Variants in WSB2 observed in about 807,000 individuals in gnomAD.
WSB2 encodes WD repeat and SOCS box containing 2.
In WSB2, 12 loss-of-function variants were observed where a neutral mutation model predicts 48.8. The observed-to-expected ratio is 0.25, with a 90% CI of 0.16 to 0.40. The LOEUF (loss-of-function observed/expected upper bound fraction) is 0.40. Ranked by LOEUF, WSB2 falls within the 10% of genes least tolerant of loss-of-function variation. The probability of loss-of-function intolerance (pLI) is 1.00; values close to 1 mark genes in which losing one functional copy is unlikely to be tolerated. For synonymous variants in WSB2, 191 were observed against 203.1 expected, an observed-to-expected ratio of 0.94 and a Z score of 0.51; for missense variants, 317 against 506.2, an observed-to-expected ratio of 0.63 and a Z score of 3.59.
At chr12:118,038,217 T>A in intron 5 of WSB2, 71 bp downstream of exon 5, 1 of 1,445,246 alleles carries the variant, frequency 6.9e-7, no homozygotes. Context: ...TTGAGAACAC[T>A]CACACACACC....
chr12:118,052,641 A>G (rs1334055417), intron 1 of WSB2, 163 bp from the exon 2 acceptor site: 3 of 1,019,956 alleles, frequency 2.9e-6, no homozygotes, highest in Non-Finnish European at 4.2e-6. Context: ...CACAGGCCAC[A>G]TTCCACCACG....
At chr12:118,037,802 C>T (rs2031547996) in intron 5 of WSB2, 1 of 153,190 alleles carries the variant, frequency 6.5e-6, no homozygotes, top group Admixed American at 6.5e-5. Flanking sequence ...CAACGCAACA[C>T]AAAATTCAAA....
rs1026097539 is a variant in WSB2 at position 118,061,081 on chromosome 12, G to T, written c.-33C>A. ...GCGAGCGGCCCCCGCGGCAGGCGGC[G>T]GGCGCCTCAGCCCCCCGGGCCGCGG... On this transcript the variant is annotated 5_prime_UTR_variant, in exon 1 of 9. Coordinates refer to ENST00000315436, the MANE Select transcript of WSB2 (RefSeq NM_018639.5). The T allele has an allele frequency of 1.2e-5, 12 of 981,784 alleles. No homozygotes were observed. The highest frequency in any genetic ancestry group is 4.5e-5 in the South Asian group (1 of 22,046). The allele number at this position is 981,784 out of a possible 1,614,324, so 60.8% of individuals were successfully genotyped here.
chr12:118,051,410 T>C (rs1438308929), intron 2 of WSB2, among the ~76,000 whole-genome samples: 4 of 152,108 alleles, frequency 2.6e-5, no homozygotes, highest in South Asian at 4.2e-4. Context: ...CGAACAAAAT[T>C]TGGCATCTCC....
chr12:118,039,305 A>G (rs757478575), intron 4 of WSB2, among the ~76,000 whole-genome samples: 1 of 152,186 alleles, frequency 6.6e-6, no homozygotes, highest in Non-Finnish European at 1.5e-5. Flanking sequence ...AAAATAAAAA[A>G]GCCCGTCCAT....
At chr12:118,038,052 A>T (rs2031552268) in intron 5 of WSB2, 3 of 389,294 alleles carry the variant, frequency 7.7e-6, no homozygotes, top group Non-Finnish European at 1.4e-5. Context: ...TTCCCATTTT[A>T]TAAAGGGAAA....
chr12:118,044,531 T>C (rs886595826), intron 2 of WSB2, among the ~76,000 whole-genome samples: 1 of 152,186 alleles, frequency 6.6e-6, no homozygotes, highest in Non-Finnish European at 1.5e-5. Flanking sequence ...ATTTACTTCC[T>C]AACTGATGGT....
At position 118,043,954 on chromosome 12, in the gene WSB2, TA is replaced by T. The variant is rs975217806; in HGVS notation, c.183-578del. Among the ~76,000 whole-genome samples the T allele has an allele frequency of 5.6e-3, 781 of 140,428 alleles. 4 individuals are homozygous for T. The highest frequency in any genetic ancestry group is 0.015 in the African/African-American group (593 of 38,396). The allele number at this position is 140,428 out of a possible 152,430, so 92.1% of individuals were successfully genotyped here. ...CAACATGGTGAAACCCCATCTCTAC[TA>T]AAAAAAAAAAACAATTCGCCGGGCG... On this transcript the variant is annotated intron_variant, in intron 2 of 8. Transcript: ENST00000315436.
intron 1 of WSB2, among the ~76,000 whole-genome samples, chr12:118,058,774 G>A (rs2032010269): frequency 1.3e-5 from 2 of 150,454 alleles, no homozygotes; most frequent in African/African-American, 4.9e-5. Flanking sequence ...TTGGTTCACT[G>A]CAACCTCCAC....
chr12:118,048,964 G>T (rs572009499), intron 2 of WSB2, among the ~76,000 whole-genome samples: 1 of 152,130 alleles, frequency 6.6e-6, no homozygotes, highest in Non-Finnish European at 1.5e-5. Flanking sequence ...CCTTCTACCC[G>T]GGAGCAGCTC....
intron 2 of WSB2, among the ~76,000 whole-genome samples, chr12:118,051,794 C>T (rs1014678463): frequency 5.3e-5 from 8 of 152,060 alleles, no homozygotes. Flanking sequence ...GCCAACATGG[C>T]GAAACCTCGT....
At chr12:118,055,655 C>G (rs1381488416) in intron 1 of WSB2, among the ~76,000 whole-genome samples, 1 of 135,550 alleles carries the variant, frequency 7.4e-6, no homozygotes, top group Admixed American at 8.0e-5. Context: ...CACTCTGTCA[C>G]CCAGGCTGGA....
rs754260539 is a variant in WSB2, at chr12:118,038,323, A to T, written c.625T>A (p.Cys209Ser). The change falls in exon 5 of 9, where the codon TGC (cysteine) becomes AGC (serine). Residue 209 changes from cysteine (C) to serine (S), a missense_variant. Around this residue, in one of 2 missense-constraint regions of WSB2, gnomAD observed 189 missense variants for 349.6 expected, o/e 0.54. Coordinates refer to ENST00000315436, the MANE Select transcript of WSB2 (RefSeq NM_018639.5). The part of the protein sequence containing the change: ...WVYCCSISPD[C>S]SMLCSAAGEK... ...CCAGCTGCAGAGCACAGCATGCTGC[A>T]GTCTGGGGAGATGGAACAGCAGTAA... 1 of 1,614,194 alleles carries T rather than the reference A, an allele frequency of 6.2e-7. No homozygotes were observed. The highest frequency in any genetic ancestry group is 8.5e-7 in the Non-Finnish European group (1 of 1,180,036).
Position 118,054,573 on chromosome 12 carries a change from G to C in WSB2, c.14-2095C>G, listed in dbSNP as rs367876002. 5.4e-4 allele frequency among the ~76,000 whole-genome samples: 82 copies of C among 151,898 alleles called. 2 individuals carry two copies. In the East Asian group the frequency reaches 0.011, roughly 21 times the overall value. On this transcript the variant is annotated intron_variant, in intron 1 of 8. Coordinates refer to ENST00000315436, the MANE Select transcript of WSB2 (RefSeq NM_018639.5). ...TAATCCCAGCTACTCAGAGGGCTGA[G>C]GCAGGAGAATCGCTTGAACCCGGGA...
chr12:118,042,575 A>C (rs866688217), intron 4 of WSB2: 1 of 403,684 alleles, frequency 2.5e-6, no homozygotes, highest in African/African-American at 2.0e-5. Flanking sequence ...CATTCAGCAC[A>C]TAAGTAGATA....
At chr12:118,052,851 G>A (rs1034135820) in intron 1 of WSB2, among the ~76,000 whole-genome samples, 5 of 152,112 alleles carry the variant, frequency 3.3e-5, no homozygotes, top group African/African-American at 9.7e-5. Context: ...TGCATTTCAG[G>A]TTTCTTCAGA....
At chr12:118,044,333 G>C (rs1237126317) in intron 2 of WSB2, among the ~76,000 whole-genome samples, 1 of 152,110 alleles carries the variant, frequency 6.6e-6, no homozygotes, top group East Asian at 1.9e-4. Context: ...CATACTGCAG[G>C]TTTGGAACTA....
chr12:118,061,273 G>A, upstream of WSB2: 1 of 768,088 alleles, frequency 1.3e-6, no homozygotes, highest in Non-Finnish European at 1.6e-6. Flanking sequence ...AACGGTGGGG[G>A]GCAGCTGAGG....
Position 118,061,171 on chromosome 12 carries a change from C to T in WSB2, c.-123G>A, listed in dbSNP as rs2032058916. 2.0e-6 allele frequency: 2 copies of T among 983,348 alleles called. No individual in the cohort carries two copies. The highest frequency in any genetic ancestry group is 2.4e-6 in the Non-Finnish European group (2 of 829,016). 60.9% of individuals were successfully genotyped at this position (983,348 alleles called of 1,614,324 possible). A position where few individuals can be genotyped will look rare whatever the true frequency, so the allele number is the denominator to read the frequency against. On this transcript the variant is annotated 5_prime_UTR_variant, in exon 1 of 9. Coordinates refer to ENST00000315436, the MANE Select transcript of WSB2 (RefSeq NM_018639.5). ...CGCCGCCGCCGCCCGGAGAGGCCAT[C>T]AGCTGCTTCCCGTCACATGGCGGTG...
Sources: gnomAD v4.1 joint callset for allele counts (sites outside exome capture counted in the v4.1 genomes callset) on GRCh38, gnomAD v4.1.1 for gene constraint, gnomAD v4.1.1 regional missense constraint, MANE v1.5 for transcripts, NCBI Gene and HGNC (gene_info 2026-07-23, HGNC 2026-07-21) for gene names.